MORN3: variants seen among roughly 807,000 people sequenced by gnomAD.
MORN3 encodes the protein MORN repeat containing 3.
Under a neutral mutation model 34.7 loss-of-function variants are expected in MORN3, and 38 were observed. The observed-to-expected ratio is 1.10, with a 90% confidence interval of 0.85 to 1.44. MORN3 has a LOEUF of 1.44. Ranked by LOEUF, MORN3 falls within the 40% of genes most tolerant of loss-of-function variation. The probability of loss-of-function intolerance (pLI) is 0.00; values close to 1 mark genes in which losing one functional copy is unlikely to be tolerated. For synonymous variants in MORN3, 109 were observed against 115.3 expected (o/e 0.95, Z 0.35); for missense variants, 311 against 321.7 (o/e 0.97, Z 0.25).
intron 1 of MORN3, 103 bp downstream of exon 1, chr12:121,669,236 C>T: frequency 6.8e-7 from 1 of 1,478,734 alleles, no homozygotes; most frequent in Non-Finnish European, 9.3e-7. Context: ...GCCTTGGGGA[C>T]ACATCTCATG....
chr12:121,659,947 C>G (rs960528724), intron 1 of MORN3, among the ~76,000 whole-genome samples: 9 of 151,136 alleles, frequency 6.0e-5, no homozygotes, highest in Non-Finnish European at 1.3e-4. Context: ...AAAACTGTGC[C>G]TGGAGGCTGG....
intron 1 of MORN3, among the ~76,000 whole-genome samples, chr12:121,666,322 G>A (rs542351770): frequency 6.6e-6 from 1 of 151,984 alleles, no homozygotes; most frequent in African/African-American, 2.4e-5. Flanking sequence ...CACCTGGCAA[G>A]TGAATCCCCA....
Position 121,662,650 on chromosome 12 carries a change from A to C in MORN3, c.146-3302T>G, listed in dbSNP as rs78324016. Among the ~76,000 whole-genome samples, 521 of 150,784 alleles carry C rather than the reference A, an allele frequency of 3.5e-3. 2 individuals carry two copies. The highest frequency in any genetic ancestry group is 0.011 in the African/African-American group (472 of 41,112). The stretch of plus-strand genomic sequence containing the variant: ...GCACCTGTAATTCTAGCTACTGGGG[A>C]GGCTAAGGCTGGAGAATCTCTTGAA... On this transcript the variant is annotated intron_variant, in intron 1 of 5. Transcript: ENST00000355329.
At chr12:121,669,305 C>G in intron 1 of MORN3, 34 bp downstream of exon 1, 1 of 1,609,604 alleles carries the variant, frequency 6.2e-7, no homozygotes, top group African/African-American at 1.3e-5. Context: ...GGCTCTGACC[C>G]CACTCCGGCC....
intron 2 of MORN3, among the ~76,000 whole-genome samples, chr12:121,658,565 CAAAAAA>C (rs62682762): frequency 4.4e-5 from 3 of 68,808 alleles, no homozygotes; most frequent in African/African-American, 1.1e-4. Flanking sequence ...GACTCCCTCT[CAAAAAA>C]AAAAAAAAAA....
At chr12:121,667,974 C>T (rs1487472763) in intron 1 of MORN3, among the ~76,000 whole-genome samples, 9 of 152,128 alleles carry the variant, frequency 5.9e-5, no homozygotes, top group Middle Eastern at 3.4e-3. Context: ...CCGCCCGCCT[C>T]GGCTTCCCAA....
chr12:121,659,172 G>A lies in MORN3; in HGVS notation c.303+19C>T, dbSNP rs375019396. ...ACACACACACACACACACACACCCC[G>A]GCTGGCAGGCCTGCTCACCGATTTC... On this transcript the variant is annotated intron_variant, in intron 2 of 5. Transcript: ENST00000355329. 6.2e-4 allele frequency: 962 copies of A among 1,548,360 alleles called. 1 individual carries two copies. The highest frequency in any genetic ancestry group is 7.9e-4 in the Non-Finnish European group (898 of 1,137,534).
chr12:121,667,551 G>C (rs186109195), intron 1 of MORN3, among the ~76,000 whole-genome samples: 3 of 150,374 alleles, frequency 2.0e-5, no homozygotes, highest in South Asian at 2.1e-4. Context: ...CACTGTCCCC[G>C]GCCTGCAACC....
intron 1 of MORN3, among the ~76,000 whole-genome samples, chr12:121,662,078 A>G (rs1893601156): frequency 6.6e-6 from 1 of 152,108 alleles, no homozygotes; most frequent in Admixed American, 6.6e-5. Context: ...TCATAGAAAC[A>G]GTAAAATAGC....
At chr12:121,670,905 G>T (rs552443927), upstream of MORN3, among the ~76,000 whole-genome samples, 1 of 150,278 alleles carries the variant, frequency 6.7e-6, no homozygotes, top group Non-Finnish European at 1.5e-5. Context: ...GAGGTCAGGA[G>T]TTCAACACCA....
At position 121,661,590 on chromosome 12, in the gene MORN3, G is replaced by C. The variant is rs201461843; in HGVS notation, c.146-2242C>G. Among the ~76,000 whole-genome samples, 498 of 151,968 alleles carry C rather than the reference G, an allele frequency of 3.3e-3. 1 individual carries two copies. The highest frequency in any genetic ancestry group is 0.011 in the African/African-American group (464 of 41,490). On this transcript the variant is annotated intron_variant, in intron 1 of 5. Coordinates refer to ENST00000355329, the MANE Select transcript of MORN3 (RefSeq NM_173855.5). ...TAAAATGGGTATAAGAATATCTTATGGGGGGGCTGGGCGCAGTGGCTCACG... is the reference window on the plus strand; with the variant it reads ...TAAAATGGGTATAAGAATATCTTATCGGGGGGCTGGGCGCAGTGGCTCACG...
At chr12:121,667,399 G>C (rs1486890310) in intron 1 of MORN3, among the ~76,000 whole-genome samples, 1 of 151,990 alleles carries the variant, frequency 6.6e-6, no homozygotes, top group East Asian at 1.9e-4. Flanking sequence ...GATTACAGGC[G>C]TTCACCACTC....
intron 1 of MORN3, among the ~76,000 whole-genome samples, chr12:121,662,545 G>A (rs1893614482): frequency 1.3e-5 from 2 of 152,094 alleles, no homozygotes; most frequent in African/African-American, 2.4e-5. Flanking sequence ...GATGAGGTCA[G>A]GAGATCGAGA....
At chr12:121,652,365 C>T (rs1893276964) in intron 5 of MORN3, among the ~76,000 whole-genome samples, 1 of 152,134 alleles carries the variant, frequency 6.6e-6, no homozygotes, top group Non-Finnish European at 1.5e-5. Flanking sequence ...TCTCGAGTAG[C>T]TGGGACTACA....
chr12:121,661,008 G>C (rs10743188), intron 1 of MORN3, among the ~76,000 whole-genome samples: 76,037 of 151,704 alleles, frequency 0.5, 20,345 homozygotes, highest in African/African-American at 0.7. Context: ...GGCTGTGTTG[G>C]CTATGCTGAC....
chr12:121,653,391 G>C, intron 3 of MORN3, 132 bp from the exon 4 acceptor site: 1 of 944,750 alleles, frequency 1.1e-6, no homozygotes, highest in South Asian at 1.7e-5. Context: ...ATAAGCCCAG[G>C]AGATCAAGAC....
rs1893310972 is a variant in MORN3 at position 121,653,404 on chromosome 12, G to A, written c.464-145C>T. 5 of 848,316 alleles carry A rather than the reference G, an allele frequency of 5.9e-6. No individual in the cohort carries two copies. In the South Asian group the frequency reaches 8.9e-5, roughly 15 times the overall value. The allele number at this position is 848,316 out of a possible 1,614,324, so 52.5% of individuals were successfully genotyped here. A position where few individuals can be genotyped will look rare whatever the true frequency, so the allele number is the denominator to read the frequency against. The stretch of plus-strand genomic sequence containing the variant: ...TCATAAGCCCAGGAGATCAAGACCA[G>A]CCTGAGCAACATAGTGAGACCACAT... On this transcript the variant is annotated intron_variant, in intron 3 of 5. Coordinates refer to ENST00000355329, the MANE Select transcript of MORN3 (RefSeq NM_173855.5).
At chr12:121,666,134 A>G (rs1209266190) in intron 1 of MORN3, among the ~76,000 whole-genome samples, 4 of 152,088 alleles carry the variant, frequency 2.6e-5, no homozygotes. Flanking sequence ...ATTCGAAACC[A>G]GCCTGGCCAA....
At chr12:121,653,013 G>A in intron 4 of MORN3, 62 bp downstream of exon 4, 1 of 1,521,698 alleles carries the variant, frequency 6.6e-7, no homozygotes, top group Non-Finnish European at 8.9e-7. Flanking sequence ...GGGCATGGCT[G>A]GGGATGCTGG....
Sources: allele counts gnomAD v4.1 joint callset (sites outside exome capture counted in the v4.1 genomes callset), GRCh38; gene constraint gnomAD v4.1.1; transcripts MANE v1.5; gene names NCBI Gene and HGNC (gene_info 2026-07-23, HGNC 2026-07-21).